The following SOX5 variants were observed in gnomAD, a reference collection of about 807,000 sequenced individuals.
SOX5 encodes SRY-box transcription factor 5, also known as transcription factor SOX-5.
SOX5 carries 9 observed loss-of-function variants against 92.0 expected under a neutral mutation model. The observed-to-expected ratio is 0.10, with a 90% CI of 0.06 to 0.17. The LOEUF (loss-of-function observed/expected upper bound fraction) is 0.17. Among genes scored for constraint, SOX5 ranks in the 10% least tolerant of loss-of-function variants. The pLI is 1.00. For synonymous variants in SOX5, 344 were observed against 336.3 expected (o/e 1.02, Z -0.25); for missense variants, 642 against 944.5 (o/e 0.68, Z 4.20).
At chr12:23,998,492 A>C (rs1054234922) in intron 4 of SOX5, among the ~76,000 whole-genome samples, 1 of 152,060 alleles carries the variant, frequency 6.6e-6, no homozygotes, top group Admixed American at 6.6e-5. Context: ...GGAGTCTCAG[A>C]AAAAAGAGAG....
intron 4 of SOX5, among the ~76,000 whole-genome samples, chr12:24,058,511 C>T (rs527485849): frequency 1.3e-5 from 2 of 152,116 alleles, no homozygotes; most frequent in East Asian, 3.9e-4. Context: ...ATACTAAATA[C>T]AACAGGACAC....
intron 2 of SOX5, among the ~76,000 whole-genome samples, chr12:23,887,913 G>A (rs1568647591): frequency 8.0e-6 from 1 of 124,854 alleles, no homozygotes; most frequent in African/African-American, 2.9e-5. Context: ...GGTCCAGTGT[G>A]TATATGTGTG....
At chr12:23,956,735 G>T (rs1266982110) in intron 4 of SOX5, among the ~76,000 whole-genome samples, 1 of 151,970 alleles carries the variant, frequency 6.6e-6, no homozygotes, top group African/African-American at 2.4e-5. Context: ...ACCCAGGCTG[G>T]AGTGCAGTGG....
At chr12:24,362,682 C>T (rs767240784) in intron 2 of SOX5, among the ~76,000 whole-genome samples, 1 of 152,054 alleles carries the variant, frequency 6.6e-6, no homozygotes, top group Non-Finnish European at 1.5e-5. Context: ...GGTAAGGAGT[C>T]GACACCAGGA....
rs373108567 is a variant in SOX5 at position 24,062,971 on chromosome 12, G to A, written c.-2+150372C>T. Among the ~76,000 whole-genome samples the A allele has an allele frequency of 4.7e-4, 72 of 152,292 alleles. 1 individual carries two copies. In the South Asian group the frequency reaches 0.014, roughly 29 times the overall value. Reference sequence around the variant, plus strand: ...GTGATTTAAGAATGAGGGAAGAAAGGCACAATGTTATACTATTACCAAGTG... The same window carrying A: ...GTGATTTAAGAATGAGGGAAGAAAGACACAATGTTATACTATTACCAAGTG... On this transcript the variant is annotated intron_variant, in intron 4 of 4. Coordinates refer to the SOX5 transcript ENST00000446891.
At chr12:24,371,463 T>C (rs924605531) in intron 1 of SOX5, among the ~76,000 whole-genome samples, 5 of 152,316 alleles carry the variant, frequency 3.3e-5, no homozygotes, top group Admixed American at 2.6e-4. Context: ...TGTGAGCCAA[T>C]AAATGGGCAT....
chr12:23,905,226 G>T (rs986303673), intron 1 of SOX5, among the ~76,000 whole-genome samples: 26 of 152,246 alleles, frequency 1.7e-4, no homozygotes, highest in Non-Finnish European at 2.9e-4. Context: ...TTTCTAAACA[G>T]GGAGACAAAC....
At chr12:24,257,702 C>T (rs1243673324) in intron 3 of SOX5, among the ~76,000 whole-genome samples, 7 of 151,782 alleles carry the variant, frequency 4.6e-5, no homozygotes, top group African/African-American at 1.5e-4. Flanking sequence ...CTCCTGACCT[C>T]GTGATCTGCC....
chr12:23,965,945 A>G lies in SOX5; in HGVS notation c.-1-69921T>C, dbSNP rs536336024. On this transcript the variant is annotated intron_variant, in intron 4 of 4. Transcript: ENST00000446891. ...TTTCTTTGCATTTTTATAATTGGCTATGTAGTACCTTGAGACTGATTGTCC... is the reference window on the plus strand; with the variant it reads ...TTTCTTTGCATTTTTATAATTGGCTGTGTAGTACCTTGAGACTGATTGTCC... Among the ~76,000 whole-genome samples the G allele has an allele frequency of 1.3e-3, 191 of 152,198 alleles. 1 individual carries two copies. Among genetic ancestry groups the G allele is most frequent in the African/African-American group, 4.5e-3 (186 of 41,542 alleles).
intron 1 of SOX5, among the ~76,000 whole-genome samples, chr12:24,461,444 G>A (rs377378281): frequency 2.0e-5 from 3 of 152,264 alleles, no homozygotes; most frequent in South Asian, 4.1e-4. Flanking sequence ...AAAACCATGG[G>A]TCATCATGTC....
At chr12:23,545,396 C>T (rs139346520) in intron 12 of SOX5, among the ~76,000 whole-genome samples, 2 of 152,294 alleles carry the variant, frequency 1.3e-5, no homozygotes, top group Non-Finnish European at 2.9e-5. Context: ...AACAGCACTT[C>T]CTTCTTTTTC....
chr12:24,450,497 T>TATTTA (rs1555300561), intron 1 of SOX5, among the ~76,000 whole-genome samples: 2 of 150,908 alleles, frequency 1.3e-5, no homozygotes, highest in Non-Finnish European at 3.0e-5. Flanking sequence ...TTTATTTATT[T>TATTTA]ATTTATTTAT....
At chr12:24,027,801 C>T (rs1246297968) in intron 4 of SOX5, among the ~76,000 whole-genome samples, 3 of 151,924 alleles carry the variant, frequency 2.0e-5, no homozygotes, top group Admixed American at 6.6e-5. Flanking sequence ...ACTCCTTCAC[C>T]AATCCAAGTC....
chr12:24,438,852 C>T (rs1475047947), intron 1 of SOX5, among the ~76,000 whole-genome samples: 3 of 152,178 alleles, frequency 2.0e-5, no homozygotes, highest in Non-Finnish European at 4.4e-5. Flanking sequence ...GGTGAAGATG[C>T]TGTGAACATT....
chr12:24,150,515 T>TCAAAGC (rs1348299122), intron 4 of SOX5, among the ~76,000 whole-genome samples: 5 of 152,144 alleles, frequency 3.3e-5, no homozygotes, highest in African/African-American at 1.2e-4. Flanking sequence ...TCAGTAGCAG[T>TCAAAGC]CAAAGCCATT....
rs1233704271 is a variant in SOX5, at chr12:23,531,181, G to A, written c.*3038C>T. ...TAGGGCAAAGAAAATTTGATGTCCA[G>A]TGAATTAACCGTCAGAACAAGAGAA... On this transcript the variant is annotated 3_prime_UTR_variant, in exon 15 of 15. Transcript: ENST00000451604. 1 of 152,146 alleles carries A rather than the reference G, an allele frequency of 6.6e-6. No individual in the cohort carries two copies. The highest frequency in any genetic ancestry group is 1.5e-5 in the Non-Finnish European group (1 of 68,034). 9.4% of individuals were successfully genotyped at this position (152,146 alleles called of 1,614,324 possible). A position where few individuals can be genotyped will look rare whatever the true frequency, so the allele number is the denominator to read the frequency against.
intron 4 of SOX5, among the ~76,000 whole-genome samples, chr12:24,054,171 A>G (rs1459108282): frequency 6.6e-6 from 1 of 152,208 alleles, no homozygotes; most frequent in African/African-American, 2.4e-5. Flanking sequence ...ACTTCTTTAA[A>G]GCTGTCAAAA....
In SOX5 at chr12:23,846,020, C is replaced by T. The variant is rs2096571168; in HGVS notation, c.444G>A (p.Gln148=). 1.2e-6 allele frequency: 2 copies of T among 1,614,042 alleles called. No homozygotes were observed. The highest frequency in any genetic ancestry group is 2.7e-5 in the African/African-American group (2 of 74,934). ...TTTTGATGAGCTCTTCCATTTTCCT[C>T]TGCTTCAAGGTGTCAACAACATCAG... is the stretch of plus-strand genomic sequence containing the variant. ...SLADVVDTLK[Q]RKMEELIKNE... The change falls in exon 3 of 15, where the codon CAG becomes CAA. Residue 148 remains glutamine, a synonymous_variant. Coordinates refer to ENST00000451604, the MANE Select transcript of SOX5 (RefSeq NM_006940.6).
intron 2 of SOX5, among the ~76,000 whole-genome samples, chr12:24,311,886 T>C (rs1949216306): frequency 6.6e-6 from 1 of 152,170 alleles, no homozygotes; most frequent in South Asian, 2.1e-4. Flanking sequence ...AAAATATATA[T>C]TTTTAGAAAA....
Sources: allele counts gnomAD v4.1 joint callset (sites outside exome capture counted in the v4.1 genomes callset), GRCh38; gene constraint gnomAD v4.1.1; transcripts MANE v1.5; gene names NCBI Gene and HGNC (gene_info 2026-07-23, HGNC 2026-07-21).